The following CBFA2T2 variants were observed in gnomAD, a reference collection of about 807,000 sequenced individuals.
The protein encoded by CBFA2T2 is protein CBFA2T2.
In CBFA2T2, 11 loss-of-function variants were observed where a neutral mutation model predicts 62.2. That is an observed-to-expected ratio of 0.18 (90% CI 0.11 to 0.29). The LOEUF (loss-of-function observed/expected upper bound fraction) is 0.29, where lower values mean the gene tolerates loss of function less well. CBFA2T2 is among the 10% of genes least tolerant of loss of function. The pLI is 1.00. For synonymous variants in CBFA2T2, 295 were observed against 287.5 expected, an observed-to-expected ratio of 1.03 and a Z score of -0.27; for missense variants, 592 against 774.1, an observed-to-expected ratio of 0.76 and a Z score of 2.79.
At chr20:33,574,963 G>A (rs1257531498) in intron 1 of CBFA2T2, among the ~76,000 whole-genome samples, 1 of 152,210 alleles carries the variant, frequency 6.6e-6, no homozygotes, top group East Asian at 1.9e-4. Context: ...CTTTTAAAGG[G>A]AGCCTGGATG....
chr20:33,588,703 T>C (rs906112450), intron 1 of CBFA2T2, among the ~76,000 whole-genome samples: 1 of 152,126 alleles, frequency 6.6e-6, no homozygotes, highest in African/African-American at 2.4e-5. Flanking sequence ...TCCCAGCACT[T>C]TGGGAAGCTG....
chr20:33,522,642 C>T (rs2011762406), intron 1 of CBFA2T2, among the ~76,000 whole-genome samples: 1 of 152,016 alleles, frequency 6.6e-6, no homozygotes, highest in East Asian at 1.9e-4. Flanking sequence ...ACTTGGGAGG[C>T]TGAGGTGGGA....
intron 1 of CBFA2T2, chr20:33,562,636 A>C: frequency 1.0e-6 from 1 of 985,594 alleles, no homozygotes; most frequent in Non-Finnish European, 1.2e-6. Context: ...AATTTGGTGT[A>C]TTTAAGAATC....
intron 1 of CBFA2T2, among the ~76,000 whole-genome samples, chr20:33,496,362 A>G (rs1055970754): frequency 6.6e-6 from 1 of 152,210 alleles, no homozygotes; most frequent in Non-Finnish European, 1.5e-5. Context: ...AACTTTTCAC[A>G]CCACCACAGC....
At chr20:33,581,865 T>C (rs1231331800) in intron 1 of CBFA2T2, among the ~76,000 whole-genome samples, 9 of 152,294 alleles carry the variant, frequency 5.9e-5, no homozygotes, top group Non-Finnish European at 1.3e-4. Flanking sequence ...AGCTGGGACC[T>C]GTATGTGGGC....
intron 4 of CBFA2T2, among the ~76,000 whole-genome samples, chr20:33,620,173 G>A (rs984430904): frequency 2.0e-5 from 3 of 152,054 alleles, no homozygotes; most frequent in Non-Finnish European, 4.4e-5. Flanking sequence ...ATGAAATGAG[G>A]CCATGTTATA....
rs541371027 is a variant in CBFA2T2, at chr20:33,572,691, C to T, written c.35-34265C>T. 9.2e-5 allele frequency among the ~76,000 whole-genome samples: 14 copies of T among 152,096 alleles called. No homozygotes were observed. In the East Asian group the frequency reaches 2.7e-3, roughly 29 times the overall value. ...GCCGATGTAGATATAATGTAGTGGA[C>T]GAAGAGAAGAGGGTAGAGAGACAGG... On this transcript the variant is annotated intron_variant, in intron 1 of 10. Transcript: ENST00000342704.
chr20:33,513,157 C>A (rs149995160), intron 1 of CBFA2T2, among the ~76,000 whole-genome samples: 3 of 152,176 alleles, frequency 2.0e-5, no homozygotes, highest in Non-Finnish European at 4.4e-5. Flanking sequence ...TCAAAGTTTT[C>A]CAGAGTTGTT....
rs190942739 is a variant in CBFA2T2, at chr20:33,515,071, G to A, written c.34+24770G>A. ...GTGAATTAAGAAGTTACTGTTGGCC[G>A]GGCTTGGTGGCTCACGCCTGTAATC... On this transcript the variant is annotated intron_variant, in intron 1 of 10. Coordinates refer to ENST00000342704, the MANE Select transcript of CBFA2T2 (RefSeq NM_001032999.3). 4.3e-3 allele frequency among the ~76,000 whole-genome samples: 650 copies of A among 151,822 alleles called. 4 individuals carry two copies. Among genetic ancestry groups the A allele is most frequent in the African/African-American group, 0.014 (601 of 41,462 alleles).
Position 33,647,173 on chromosome 20 carries a change from A to C in CBFA2T2, c.*2527A>C, listed in dbSNP as rs917590154. 2.0e-5 allele frequency: 3 copies of C among 152,206 alleles called. No homozygotes were observed. Among genetic ancestry groups the C allele is most frequent in the Admixed American group, 1.3e-4 (2 of 15,276 alleles). 9.4% of individuals were successfully genotyped at this position (152,206 alleles called of 1,614,324 possible). A position where few individuals can be genotyped will look rare whatever the true frequency, so the allele number is the denominator to read the frequency against. On this transcript the variant is annotated 3_prime_UTR_variant, in exon 11 of 11. Transcript: ENST00000342704. ...GAGTCAGTACCCCGGACAGGGCCACATTTGCATGAGACATGGCTGTCTCAC... is the reference window on the plus strand; with the variant it reads ...GAGTCAGTACCCCGGACAGGGCCACCTTTGCATGAGACATGGCTGTCTCAC...
Position 33,580,570 on chromosome 20 carries a change from G to A in CBFA2T2, c.35-26386G>A, listed in dbSNP as rs190453549. Among the ~76,000 whole-genome samples, 173 of 152,280 alleles carry A rather than the reference G, an allele frequency of 1.1e-3. 1 individual carries two copies. The highest frequency in any genetic ancestry group is 3.9e-3 in the African/African-American group (162 of 41,578). ...GATAGCAGCATCACAATTTGATAGG[G>A]GCCAGGCACGGTGGTTCATGCCTAT... On this transcript the variant is annotated intron_variant, in intron 1 of 10. Transcript: ENST00000342704.
At chr20:33,560,019 A>C (rs2013033527) in intron 1 of CBFA2T2, among the ~76,000 whole-genome samples, 1 of 152,158 alleles carries the variant, frequency 6.6e-6, no homozygotes, top group South Asian at 2.1e-4. Context: ...CCATAATCTG[A>C]GTGCTAGAAG....
At chr20:33,537,610 TG>T (rs1446044919) in intron 1 of CBFA2T2, among the ~76,000 whole-genome samples, 2 of 152,234 alleles carry the variant, frequency 1.3e-5, no homozygotes, top group Non-Finnish European at 2.9e-5. Context: ...TTTTCTTGTA[TG>T]TTTTTTTCTG....
At chr20:33,499,891 C>G (rs1217369482) in intron 1 of CBFA2T2, among the ~76,000 whole-genome samples, 3 of 152,154 alleles carry the variant, frequency 2.0e-5, no homozygotes, top group African/African-American at 7.2e-5. Flanking sequence ...AGTAGATTCA[C>G]TCTTCCTAAC....
At chr20:33,626,302 G>A (rs1297729249) in intron 6 of CBFA2T2, among the ~76,000 whole-genome samples, 1 of 152,190 alleles carries the variant, frequency 6.6e-6, no homozygotes, top group Non-Finnish European at 1.5e-5. Flanking sequence ...CCTTGGAGGA[G>A]AAAGTGCATG....
rs1452528492 is a variant in CBFA2T2 at position 33,560,192 on chromosome 20, C to T, written c.35-46764C>T. 2.0e-5 allele frequency among the ~76,000 whole-genome samples: 3 copies of T among 152,272 alleles called. No individual in the cohort carries two copies. The East Asian group carries it at 5.8e-4, about 29-fold the overall frequency. Reference sequence around the variant, plus strand: ...TAGGCAATTTGATACCGGCTATTGGCAAGATGTCTCAGTCTCTCCCCATGT... The same window carrying T: ...TAGGCAATTTGATACCGGCTATTGGTAAGATGTCTCAGTCTCTCCCCATGT... On this transcript the variant is annotated intron_variant, in intron 1 of 10. Coordinates refer to ENST00000342704, the MANE Select transcript of CBFA2T2 (RefSeq NM_001032999.3).
intron 1 of CBFA2T2, among the ~76,000 whole-genome samples, chr20:33,514,358 G>C (rs1311689869): frequency 6.6e-6 from 1 of 151,924 alleles, no homozygotes; most frequent in Non-Finnish European, 1.5e-5. Context: ...GGGATGACAG[G>C]TGTGTGCTAC....
intron 1 of CBFA2T2, among the ~76,000 whole-genome samples, chr20:33,522,541 A>T (rs1248979608): frequency 1.3e-5 from 2 of 152,044 alleles, no homozygotes; most frequent in Non-Finnish European, 2.9e-5. Context: ...CATCCTGGTC[A>T]ACATAGCAAG....
At chr20:33,542,455 A>AT (rs1406734170) in intron 1 of CBFA2T2, among the ~76,000 whole-genome samples, 2 of 151,642 alleles carry the variant, frequency 1.3e-5, no homozygotes, top group African/African-American at 2.4e-5. Context: ...TTTTATTATA[A>AT]TTTTTTTCAT....
Sources: gnomAD v4.1 joint callset for allele counts (sites outside exome capture counted in the v4.1 genomes callset) on GRCh38, gnomAD v4.1.1 for gene constraint, MANE v1.5 for transcripts, NCBI Gene and HGNC (gene_info 2026-07-23, HGNC 2026-07-21) for gene names.